The following NFX1 variants were observed in gnomAD, a reference collection of about 807,000 sequenced individuals.
The protein encoded by NFX1 is nuclear transcription factor, X-box binding 1.
NFX1 carries 69 observed loss-of-function variants against 137.2 expected under a neutral mutation model. The ratio of observed to expected loss-of-function variants is 0.50; its 90% confidence interval spans 0.41 to 0.61. NFX1 has a LOEUF of 0.61. NFX1 is among the 20% of genes least tolerant of loss of function. NFX1 has a pLI of 0.00. For missense variants in NFX1, 1,167 were observed against 1,391.0 expected (o/e 0.84, Z 2.56); for synonymous variants, 495 against 474.1 (o/e 1.04, Z -0.57).
chr9:33,358,368 C>T (rs1167189446), intron 19 of NFX1, among the ~76,000 whole-genome samples: 2 of 152,154 alleles, frequency 1.3e-5, no homozygotes, highest in Non-Finnish European at 2.9e-5. Flanking sequence ...TTATGATCTG[C>T]CCGCCTCAGC....
At chr9:33,317,968 T>G in intron 7 of NFX1, among the ~76,000 whole-genome samples, 1 of 88,276 alleles carries the variant, frequency 1.1e-5, no homozygotes, top group South Asian at 4.5e-4. Flanking sequence ...AGTGAGACTC[T>G]GTCTCAAAAA....
chr9:33,355,780 C>T (rs1823790893), intron 19 of NFX1, among the ~76,000 whole-genome samples: 1 of 151,388 alleles, frequency 6.6e-6, no homozygotes, highest in Non-Finnish European at 1.5e-5. Flanking sequence ...GAGTAGTTGG[C>T]ATTACAGGTG....
chr9:33,295,783 C>T (rs1373906759), intron 2 of NFX1, among the ~76,000 whole-genome samples: 2 of 152,106 alleles, frequency 1.3e-5, no homozygotes, highest in African/African-American at 4.8e-5. Flanking sequence ...TCTCTGCTGC[C>T]TCTTTTGGTT....
chr9:33,315,250 G>T (rs2118351665), intron 7 of NFX1, among the ~76,000 whole-genome samples: 1 of 151,162 alleles, frequency 6.6e-6, no homozygotes, highest in South Asian at 2.1e-4. Context: ...AAGGAATCTA[G>T]TTTTATTTTC....
In NFX1 at chr9:33,344,132, C is replaced by G. The variant is rs963543157; in HGVS notation, c.2288C>G (p.Thr763Ser). 1 of 1,614,106 alleles carries G rather than the reference C, an allele frequency of 6.2e-7. No individual in the cohort carries two copies. Among genetic ancestry groups the G allele is most frequent in the South Asian group, 1.1e-5 (1 of 91,082 alleles). ...SVIYPPVPCG[T>S]RPPECTQTCA... ...ATTTACCCTCCAGTTCCCTGTGGTA[C>G]TAGGCCCCCTGAATGTACCCAAACC... Residue 763 changes from threonine (T) to serine (S), a missense_variant, in exon 14 of 24, where the codon ACT (threonine) becomes AGT (serine). Thr to Ser is a moderately conservative substitution (Grantham distance 58, BLOSUM62 1). Around this residue, in one of 3 missense-constraint regions of NFX1, gnomAD observed 488 missense variants for 691.5 expected, o/e 0.71. Transcript: ENST00000379540.
chr9:33,367,027 T>C (rs1031878347), intron 22 of NFX1, among the ~76,000 whole-genome samples: 1 of 152,274 alleles, frequency 6.6e-6, no homozygotes. Flanking sequence ...TAGCAGATGC[T>C]GGAAGCAGCA....
At chr9:33,369,152 G>A (rs796721415) in intron 23 of NFX1, among the ~76,000 whole-genome samples, 35 of 151,960 alleles carry the variant, frequency 2.3e-4, no homozygotes, top group African/African-American at 8.0e-4. Flanking sequence ...TGCAAGCTCC[G>A]CCTCCCGGGT....
intron 7 of NFX1, among the ~76,000 whole-genome samples, chr9:33,318,113 AT>A (rs1328110901): frequency 6.6e-6 from 1 of 150,584 alleles, no homozygotes; most frequent in Admixed American, 6.7e-5. Context: ...TGTATATGTG[AT>A]TTTAAAAATG....
intron 19 of NFX1, among the ~76,000 whole-genome samples, chr9:33,363,298 A>T (rs1022805898): frequency 1.4e-5 from 2 of 146,482 alleles, no homozygotes; most frequent in South Asian, 2.1e-4. Flanking sequence ...TATTATTATT[A>T]TTTTTAGACA....
At chr9:33,332,540 G>A (rs978059340) in intron 11 of NFX1, 38 bp downstream of exon 11, 2 of 1,449,354 alleles carry the variant, frequency 1.4e-6, no homozygotes, top group Non-Finnish European at 1.9e-6. Flanking sequence ...TTTCTGGGGT[G>A]AAAGTGTCGT....
At chr9:33,354,261 T>C in intron 18 of NFX1, 74 bp downstream of exon 18, 1 of 1,199,432 alleles carries the variant, frequency 8.3e-7, no homozygotes, top group Non-Finnish European at 1.2e-6. Context: ...ATTATTCATT[T>C]ATCTCAATCC....
At position 33,294,591 on chromosome 9, in the gene NFX1, C is replaced by G. The variant is rs1353395436; in HGVS notation, c.197C>G (p.Ser66Cys). The G allele has an allele frequency of 1.9e-6, 3 of 1,614,182 alleles. No individual in the cohort carries two copies. The highest frequency in any genetic ancestry group is 2.5e-6 in the Non-Finnish European group (3 of 1,180,024). ...LSRQVPYDEI[S>C]AVHQHSYHPS... is the part of the protein sequence containing the mutation. ...AGGCAGGTCCCTTATGATGAAATCT[C>G]TGCTGTTCATCAGCATAGTTATCAT... is the stretch of plus-strand genomic sequence containing the variant. Residue 66 changes from serine to cysteine, a missense_variant, in exon 2 of 24, where the codon TCT becomes TGT. This residue lies in a region of NFX1 where 367 missense variants were observed against 386.7 expected (regional missense o/e 0.95). Coordinates refer to ENST00000379540, the MANE Select transcript of NFX1 (RefSeq NM_002504.6).
chr9:33,311,812 A>G (rs1238514296), intron 6 of NFX1, among the ~76,000 whole-genome samples: 1 of 152,050 alleles, frequency 6.6e-6, no homozygotes, highest in Non-Finnish European at 1.5e-5. Flanking sequence ...CGGCCTCCCA[A>G]AGTGTTGGGA....
intron 9 of NFX1, among the ~76,000 whole-genome samples, chr9:33,322,218 G>T (rs1225263752): frequency 7.0e-6 from 1 of 143,448 alleles, no homozygotes; most frequent in Non-Finnish European, 1.5e-5. Context: ...AAAAAAAAAA[G>T]TCTCTAGAAA....
At chr9:33,300,477 T>A (rs1821517554) in intron 2 of NFX1, among the ~76,000 whole-genome samples, 1 of 152,170 alleles carries the variant, frequency 6.6e-6, no homozygotes. Context: ...ATAACAATAA[T>A]ATTATGAAAT....
rs200409340 is a variant in NFX1 at position 33,366,823 on chromosome 9, G to C, written c.3185+49G>C. ...GAAGAACTCCTAAGCAGGGCAAACT[G>C]GACCCAAGAAGCAGGGTCTGTCAAT... On this transcript the variant is annotated intron_variant, in intron 22 of 23. Transcript: ENST00000379540. 2.5e-6 allele frequency: 4 copies of C among 1,585,398 alleles called. No individual in the cohort carries two copies. In the East Asian group the frequency reaches 9.0e-5, roughly 36 times the overall value.
At chr9:33,367,120 C>T (rs1824192177) in intron 22 of NFX1, among the ~76,000 whole-genome samples, 1 of 152,246 alleles carries the variant, frequency 6.6e-6, no homozygotes, top group Non-Finnish European at 1.5e-5. Context: ...CTCTCCTTGG[C>T]TCTGTCCTCT....
chr9:33,340,436 C>T (rs983611473), intron 12 of NFX1, among the ~76,000 whole-genome samples: 2 of 152,186 alleles, frequency 1.3e-5, no homozygotes, highest in East Asian at 1.9e-4. Context: ...TGGGGCCAGC[C>T]CACAAAACCA....
chr9:33,317,090 A>T (rs1822189021), intron 7 of NFX1, among the ~76,000 whole-genome samples: 1 of 152,156 alleles, frequency 6.6e-6, no homozygotes, highest in Non-Finnish European at 1.5e-5. Context: ...ATCAGTCTTT[A>T]TTAAATGAAC....
Sources: allele counts gnomAD v4.1 joint callset (sites outside exome capture counted in the v4.1 genomes callset), GRCh38; gene constraint gnomAD v4.1.1; regional missense constraint gnomAD v4.1.1; transcripts MANE v1.5; gene names NCBI Gene and HGNC (gene_info 2026-07-23, HGNC 2026-07-21).